The following GTF2A2 variants were observed in gnomAD, a reference collection of about 807,000 sequenced individuals.
The protein encoded by GTF2A2 is transcription initiation factor IIA subunit 2.
A neutral mutation model predicts 14.3 loss-of-function variants in GTF2A2; 9 were observed. That is an observed-to-expected ratio of 0.63 (90% CI 0.38 to 1.10). The LOEUF is 1.10. Among genes scored for constraint, GTF2A2 ranks in the 50% least tolerant of loss-of-function variants. The pLI is 0.01. For synonymous variants in GTF2A2, 56 were observed against 46.0 expected (o/e 1.22, Z -0.88); for missense variants, 90 against 124.6 (o/e 0.72, Z 1.32).
rs201779642 is a variant in GTF2A2, at chr15:59,643,107, TCTCA to T, written c.178-849_178-846del. Reference sequence around the variant, plus strand: ...TTTTTTTTTTTTTTTTGAGACAGAGTCTCACTCTGTTGCCCAGGCTGCAGTGCAG... The same window carrying T: ...TTTTTTTTTTTTTTTTGAGACAGAGTCTCTGTTGCCCAGGCTGCAGTGCAG... On this transcript the variant is annotated intron_variant, in intron 3 of 4. Coordinates refer to ENST00000396060, the MANE Select transcript of GTF2A2 (RefSeq NM_004492.3). Among the ~76,000 whole-genome samples the T allele has an allele frequency of 7.1e-4, 81 of 114,766 alleles. 2 individuals are homozygous for T. The East Asian group carries it at 0.02, about 29-fold the overall frequency. The allele number at this position is 114,766 out of a possible 152,430, so 75.3% of individuals were successfully genotyped here.
rs1233405079 is a variant in GTF2A2, at chr15:59,652,317, C to A, written c.-40G>T. 9.6e-7 allele frequency: 1 copy of A among 1,046,394 alleles called. No homozygotes were observed. The highest frequency in any genetic ancestry group is 1.5e-6 in the Non-Finnish European group (1 of 687,746). The allele number at this position is 1,046,394 out of a possible 1,614,324, so 64.8% of individuals were successfully genotyped here. Reference sequence around the variant, plus strand: ...AATTTGTTTTTCTTATTCAAGCTTGCATTGATGTCCTAAAAATTTAATATA... The same window carrying A: ...AATTTGTTTTTCTTATTCAAGCTTGAATTGATGTCCTAAAAATTTAATATA... On this transcript the variant is annotated 5_prime_UTR_variant, in exon 2 of 5. It removes an upstream start codon present in the reference 5' UTR. Transcript: ENST00000396060.
intron 1 of GTF2A2, among the ~76,000 whole-genome samples, chr15:59,653,764 A>G (rs1399106474): frequency 6.6e-6 from 1 of 152,232 alleles, no homozygotes; most frequent in Admixed American, 6.5e-5. Flanking sequence ...TCAAGTAGGT[A>G]GCTCAAATTC....
intron 1 of GTF2A2, 66 bp downstream of exon 1, chr15:59,657,340 T>TC (rs1382302248): frequency 2.6e-5 from 4 of 152,418 alleles, no homozygotes; most frequent in African/African-American, 9.6e-5. Context: ...GCACTCCGAC[T>TC]CCGGGGGGGC....
intron 3 of GTF2A2, chr15:59,644,439 T>C (rs1458686999): frequency 2.0e-5 from 3 of 152,162 alleles, no homozygotes; most frequent in Non-Finnish European, 4.4e-5. Context: ...AGGAAAGTGA[T>C]AGCTATGAAT....
intron 3 of GTF2A2, among the ~76,000 whole-genome samples, chr15:59,647,133 C>T (rs1407125683): frequency 1.3e-5 from 2 of 152,082 alleles, no homozygotes; most frequent in African/African-American, 4.8e-5. Flanking sequence ...AGCTGTGTCA[C>T]CCAGGCTGAA....
intron 3 of GTF2A2, among the ~76,000 whole-genome samples, chr15:59,646,205 C>T (rs1435507592): frequency 1.3e-5 from 2 of 151,924 alleles, no homozygotes; most frequent in Non-Finnish European, 2.9e-5. Flanking sequence ...TACAGGAATG[C>T]GCCACCACAC....
intron 3 of GTF2A2, among the ~76,000 whole-genome samples, chr15:59,644,130 G>A (rs1307089511): frequency 6.6e-6 from 1 of 151,866 alleles, no homozygotes; most frequent in Non-Finnish European, 1.5e-5. Flanking sequence ...TCTGACCTCA[G>A]GTGATCTGCC....
rs1468630921 is a variant in GTF2A2 at position 59,638,635 on chromosome 15, GA to G, written c.*496del. 1 of 152,174 alleles carries G rather than the reference GA, an allele frequency of 6.6e-6. No homozygotes were observed. Among genetic ancestry groups the G allele is most frequent in the African/African-American group, 2.4e-5 (1 of 41,372 alleles). The allele number at this position is 152,174 out of a possible 1,614,324, so 9.4% of individuals were successfully genotyped here. A position where few individuals can be genotyped will look rare whatever the true frequency, so the allele number is the denominator to read the frequency against. ...TGTACTTGGGTTTTTTTATACCAAT[GA>G]TTAACTTTGGTTTTGTATTTTAAAA... is the stretch of plus-strand genomic sequence containing the variant. On this transcript the variant is annotated 3_prime_UTR_variant, in exon 5 of 5. Coordinates refer to ENST00000396060, the MANE Select transcript of GTF2A2 (RefSeq NM_004492.3).
At chr15:59,646,207 C>T (rs188822760) in intron 3 of GTF2A2, among the ~76,000 whole-genome samples, 52 of 152,084 alleles carry the variant, frequency 3.4e-4, no homozygotes, top group Non-Finnish European at 6.2e-4. Flanking sequence ...CAGGAATGCG[C>T]CACCACACCC....
chr15:59,642,129 C>CACTT lies in GTF2A2; in HGVS notation c.304+3_304+6dup. On this transcript the variant is annotated splice_region_variant and intron_variant, in intron 4 of 4. Coordinates refer to ENST00000396060, the MANE Select transcript of GTF2A2 (RefSeq NM_004492.3). ...GTAGCTTTCACAGAAATAAGGCAAG[C>CACTT]ACTTACTTTTACCATCACAGGCTAC... 11 of 1,600,596 alleles carry CACTT rather than the reference C, an allele frequency of 6.9e-6. No individual in the cohort carries two copies. In the East Asian group the frequency reaches 2.0e-4, roughly 30 times the overall value.
At position 59,652,960 on chromosome 15, in the gene GTF2A2, G is replaced by A. The variant is rs75746191; in HGVS notation, c.-49-634C>T. ...CTAGACTTTAGCCAAGCAGAGGAGG[G>A]AAGTCATTCCAGAGGCTGACAGAAT... is the stretch of plus-strand genomic sequence containing the variant. On this transcript the variant is annotated intron_variant, in intron 1 of 4. Coordinates refer to ENST00000396060, the MANE Select transcript of GTF2A2 (RefSeq NM_004492.3). 6.4e-4 allele frequency: 97 copies of A among 152,246 alleles called. 4 individuals are homozygous for A. In the East Asian group the frequency reaches 0.018, roughly 28 times the overall value. The allele number at this position is 152,246 out of a possible 1,614,324, so 9.4% of individuals were successfully genotyped here.
intron 1 of GTF2A2, among the ~76,000 whole-genome samples, chr15:59,654,608 C>T (rs1891889587): frequency 6.6e-6 from 1 of 152,132 alleles, no homozygotes; most frequent in Non-Finnish European, 1.5e-5. Flanking sequence ...TACATATTTA[C>T]CAACTAGAAC....
At chr15:59,650,192 G>C (rs1462652462) in intron 3 of GTF2A2, among the ~76,000 whole-genome samples, 4 of 152,180 alleles carry the variant, frequency 2.6e-5, no homozygotes, top group African/African-American at 9.7e-5. Flanking sequence ...TACCAGAATA[G>C]ACTGTTATCT....
At chr15:59,642,053 C>T (rs1891447174) in intron 4 of GTF2A2, 83 bp downstream of exon 4, 1 of 1,266,732 alleles carries the variant, frequency 7.9e-7, no homozygotes, top group Non-Finnish European at 1.1e-6. Context: ...ACCCGTTAGG[C>T]TTTTCATATG....
At chr15:59,646,081 G>C (rs1891596852) in intron 3 of GTF2A2, among the ~76,000 whole-genome samples, 1 of 150,964 alleles carries the variant, frequency 6.6e-6, no homozygotes, top group Admixed American at 6.6e-5. Flanking sequence ...TTTTGAGACA[G>C]AGTCTTGCTG....
intron 3 of GTF2A2, among the ~76,000 whole-genome samples, chr15:59,643,151 A>G (rs1234510503): frequency 8.2e-6 from 1 of 122,604 alleles, no homozygotes; most frequent in African/African-American, 3.2e-5. Context: ...GAGATCTTGG[A>G]TCACTGCAAC....
chr15:59,642,819 T>A (rs1438410536), intron 3 of GTF2A2, among the ~76,000 whole-genome samples: 1 of 152,196 alleles, frequency 6.6e-6, no homozygotes, highest in Non-Finnish European at 1.5e-5. Context: ...CACGCTGGAG[T>A]GCAGTGGTGC....
At chr15:59,649,901 C>A (rs576099119) in intron 3 of GTF2A2, among the ~76,000 whole-genome samples, 1 of 152,126 alleles carries the variant, frequency 6.6e-6, no homozygotes, top group Non-Finnish European at 1.5e-5. Context: ...AACTAATGAT[C>A]AAATTTTGGT....
Position 59,639,166 on chromosome 15 carries a change from CAAA to C in GTF2A2, c.305-12_305-10del. The C allele has an allele frequency of 7.0e-7, 1 of 1,437,114 alleles. No homozygotes were observed. The highest frequency in any genetic ancestry group is 9.8e-7 in the Non-Finnish European group (1 of 1,023,382). 89.0% of individuals were successfully genotyped at this position (1,437,114 alleles called of 1,614,324 possible). On this transcript the variant is annotated splice_polypyrimidine_tract_variant and intron_variant, in intron 4 of 4. Transcript: ENST00000396060. ...AGTATTGGAGCCAGTATCTAGGAAA[CAAA>C]AGAGAAAGTAAAGTAAAGTAAATTC...
Sources: allele counts gnomAD v4.1 joint callset (sites outside exome capture counted in the v4.1 genomes callset), GRCh38; gene constraint gnomAD v4.1.1; transcripts MANE v1.5; gene names NCBI Gene and HGNC (gene_info 2026-07-23, HGNC 2026-07-21).